SLCO1B1: variants seen among roughly 807,000 people sequenced by gnomAD.
SLCO1B1 encodes the protein OATP-2.
A neutral mutation model predicts 70.1 loss-of-function variants in SLCO1B1; 81 were observed. That is an observed-to-expected ratio of 1.16 (90% CI 0.97 to 1.39). The LOEUF (loss-of-function observed/expected upper bound fraction) is 1.39, where lower values mean the gene tolerates loss of function less well. SLCO1B1 is among the 40% of genes most tolerant of loss of function. SLCO1B1 has a pLI of 0.00. For missense variants in SLCO1B1, 895 were observed against 799.6 expected, an observed-to-expected ratio of 1.12 and a Z score of -1.44; for synonymous variants, 283 against 271.5, an observed-to-expected ratio of 1.04 and a Z score of -0.42.
At chr12:21,190,720 T>C (rs1182813560) in intron 7 of SLCO1B1, among the ~76,000 whole-genome samples, 1 of 152,078 alleles carries the variant, frequency 6.6e-6, no homozygotes, top group African/African-American at 2.4e-5. Flanking sequence ...AATCTGTATG[T>C]CTTTGTATCT....
rs1941251423 is a variant in SLCO1B1 at position 21,209,269 on chromosome 12, T to C, written c.1497+3236T>C. 2.6e-5 allele frequency among the ~76,000 whole-genome samples: 4 copies of C among 151,422 alleles called. No individual in the cohort carries two copies. The South Asian group carries it at 8.3e-4, about 32-fold the overall frequency. ...TTCCCCTTCCTGTGTCCATGTGATC[T>C]CATTGTTCAATTCCCACCTATGAGT... On this transcript the variant is annotated intron_variant, in intron 11 of 14. Transcript: ENST00000256958.
chr12:21,208,861 C>G (rs1405400853), intron 11 of SLCO1B1, among the ~76,000 whole-genome samples: 2 of 151,572 alleles, frequency 1.3e-5, no homozygotes, highest in Non-Finnish European at 1.5e-5. Flanking sequence ...AAATGTATTC[C>G]TAGGTATTTA....
intron 14 of SLCO1B1, among the ~76,000 whole-genome samples, chr12:21,231,027 G>T (rs906371950): frequency 7.6e-6 from 1 of 131,192 alleles, no homozygotes; most frequent in African/African-American, 3.0e-5. Context: ...CTGTGTCCAA[G>T]TGTTCTCACT....
At chr12:21,136,441 C>T (rs11045782) in intron 1 of SLCO1B1, among the ~76,000 whole-genome samples, 83,134 of 151,806 alleles carry the variant, frequency 0.55, 23,761 homozygotes, top group South Asian at 0.77. Flanking sequence ...AACTTGGTTC[C>T]CTTCTCCCCA....
chr12:21,172,986 CA>C (rs1359436622), intron 3 of SLCO1B1, among the ~76,000 whole-genome samples, 195 bp downstream of exon 3: 9 of 152,090 alleles, frequency 5.9e-5, no homozygotes, highest in African/African-American at 2.2e-4. Flanking sequence ...AGGTAGAGGT[CA>C]GGGGTACTGC....
intron 14 of SLCO1B1, among the ~76,000 whole-genome samples, chr12:21,228,629 T>A (rs1941503115): frequency 6.6e-6 from 1 of 152,118 alleles, no homozygotes; most frequent in Non-Finnish European, 1.5e-5. Context: ...AAGGATGTGA[T>A]GTGAGAAAGA....
intron 1 of SLCO1B1, among the ~76,000 whole-genome samples, chr12:21,136,260 A>G (rs1489459964): frequency 1.3e-5 from 2 of 152,042 alleles, no homozygotes; most frequent in African/African-American, 2.4e-5. Context: ...GGCTGCCCTT[A>G]ATATTTTTTC....
intron 3 of SLCO1B1, 62 bp from the exon 4 acceptor site, chr12:21,174,514 GT>G: frequency 6.5e-7 from 1 of 1,544,676 alleles, no homozygotes; most frequent in Non-Finnish European, 8.9e-7. Context: ...CCATTCTGGG[GT>G]TTTCAATTCT....
chr12:21,222,397 A>AAT lies in SLCO1B1; in HGVS notation c.1747+63_1747+64dup, dbSNP rs751514211. ...GAAAAAAAAAAAAAAAAAAAAAAAA[A>AAT]ATATATATATATATATATATATATA... On this transcript the variant is annotated intron_variant, in intron 13 of 14. Coordinates refer to ENST00000256958, the MANE Select transcript of SLCO1B1 (RefSeq NM_006446.5). 678 of 97,616 alleles carry AAT rather than the reference A, an allele frequency of 6.9e-3. 10 individuals are homozygous for AAT. The highest frequency in any genetic ancestry group is 0.022 in the African/African-American group (323 of 15,008). The allele number at this position is 97,616 out of a possible 1,614,324, so 6.0% of individuals were successfully genotyped here.
chr12:21,152,593 T>C (rs1283309175), intron 2 of SLCO1B1, among the ~76,000 whole-genome samples: 2 of 146,460 alleles, frequency 1.4e-5, no homozygotes, highest in African/African-American at 5.0e-5. Flanking sequence ...TTTAGTATTT[T>C]TTTTCCTTCT....
chr12:21,178,474 A>T (rs76212902), intron 5 of SLCO1B1, 102 bp from the exon 6 acceptor site: 33 of 746,606 alleles, frequency 4.4e-5, no homozygotes, highest in Admixed American at 1.5e-4. Flanking sequence ...CTTGTAAATT[A>T]AAAAAAAATA....
At chr12:21,141,806 C>T (rs1183365672) in intron 2 of SLCO1B1, 148 bp downstream of exon 2, 2 of 557,854 alleles carry the variant, frequency 3.6e-6, no homozygotes, top group Non-Finnish European at 6.4e-6. Flanking sequence ...TGATTCATAC[C>T]TTGATTTAAA....
At chr12:21,209,166 T>A (rs1304070168) in intron 11 of SLCO1B1, among the ~76,000 whole-genome samples, 1 of 152,026 alleles carries the variant, frequency 6.6e-6, no homozygotes, top group African/African-American at 2.4e-5. Context: ...CACTAACTCG[T>A]CATCTAGCAT....
At chr12:21,213,365 T>G (rs1173014800) in intron 11 of SLCO1B1, among the ~76,000 whole-genome samples, 1 of 152,076 alleles carries the variant, frequency 6.6e-6, no homozygotes, top group Non-Finnish European at 1.5e-5. Context: ...TTGAAAATTC[T>G]TGTCTTTAAG....
intron 2 of SLCO1B1, among the ~76,000 whole-genome samples, chr12:21,159,771 A>C (rs1940590171): frequency 1.3e-5 from 2 of 152,156 alleles, no homozygotes; most frequent in South Asian, 4.1e-4. Flanking sequence ...CAACTTCAGC[A>C]AAGTTACAGG....
chr12:21,238,448 C>T (rs1941616047), intron 14 of SLCO1B1, among the ~76,000 whole-genome samples: 2 of 151,844 alleles, frequency 1.3e-5, no homozygotes, highest in Admixed American at 1.3e-4. Flanking sequence ...TGGTTTAAAG[C>T]TTACTTATTC....
intron 2 of SLCO1B1, among the ~76,000 whole-genome samples, chr12:21,151,306 T>C (rs907172489): frequency 2.0e-5 from 3 of 152,208 alleles, no homozygotes; most frequent in African/African-American, 7.2e-5. Context: ...GTTAGATTAG[T>C]ATCTACCATA....
chr12:21,187,499 A>C (rs907971021), intron 7 of SLCO1B1, among the ~76,000 whole-genome samples: 4 of 152,040 alleles, frequency 2.6e-5, no homozygotes, highest in Non-Finnish European at 5.9e-5. Context: ...CTTCCACCAC[A>C]ACATCTCTAA....
chr12:21,237,692 A>T (rs552236559), intron 14 of SLCO1B1, among the ~76,000 whole-genome samples: 5 of 151,414 alleles, frequency 3.3e-5, no homozygotes, highest in Non-Finnish European at 7.4e-5. Flanking sequence ...ATAGTGTCTG[A>T]CATTAATTTA....
Sources: gnomAD v4.1 joint callset for allele counts (sites outside exome capture counted in the v4.1 genomes callset) on GRCh38, gnomAD v4.1.1 for gene constraint, MANE v1.5 for transcripts, NCBI Gene and HGNC (gene_info 2026-07-23, HGNC 2026-07-21) for gene names.